MYCBP2: variants seen among roughly 807,000 people sequenced by gnomAD.
MYCBP2 encodes E3 ubiquitin-protein ligase MYCBP2.
A neutral mutation model predicts 525.3 loss-of-function variants in MYCBP2; 120 were observed. The ratio of observed to expected loss-of-function variants is 0.23; its 90% CI spans 0.20 to 0.27. The LOEUF is 0.27. MYCBP2 is among the 10% of genes least tolerant of loss of function. The pLI, the probability that MYCBP2 is intolerant of heterozygous loss-of-function variation, is 1.00. For missense variants in MYCBP2, 4,149 were observed against 5,657.1 expected, an observed-to-expected ratio of 0.73 and a Z score of 8.55; for synonymous variants, 1,894 against 1,955.8, an observed-to-expected ratio of 0.97 and a Z score of 0.83.
chr13:77,304,950 G>A (rs1190879061), intron 1 of MYCBP2, among the ~76,000 whole-genome samples: 2 of 150,978 alleles, frequency 1.3e-5, no homozygotes, highest in Non-Finnish European at 3.0e-5. Flanking sequence ...CATTAAACAA[G>A]GGAAAAAAAA....
chr13:77,058,450 C>T lies in MYCBP2; in HGVS notation c.13141-44G>A, dbSNP rs760435335. 4 of 1,462,342 alleles carry T rather than the reference C, an allele frequency of 2.7e-6. No individual in the cohort carries two copies. Among genetic ancestry groups the T allele is most frequent in the Non-Finnish European group, 2.7e-6 (3 of 1,094,234 alleles). 90.6% of individuals were successfully genotyped at this position (1,462,342 alleles called of 1,614,324 possible). ...AATGTTACACAAGTATGTAAAAAAGCACACATTCTGGTAATTTTCCTTATT... is the reference window on the plus strand; with the variant it reads ...AATGTTACACAAGTATGTAAAAAAGTACACATTCTGGTAATTTTCCTTATT... On this transcript the variant is annotated intron_variant, in intron 77 of 82. Transcript: ENST00000544440. This position sits in a 1 kb window ranked among gnomAD's most constrained non-coding sequence, Gnocchi z 4.1.
At chr13:77,123,951 G>A (rs1421379464) in intron 54 of MYCBP2, among the ~76,000 whole-genome samples, 1 of 152,108 alleles carries the variant, frequency 6.6e-6, no homozygotes, top group Non-Finnish European at 1.5e-5. Context: ...TTTAGTAAAT[G>A]TCTGATTTAC....
In MYCBP2 at chr13:77,081,751, C is replaced by T. The variant is rs1285414282; in HGVS notation, c.11193+86G>A. ...GATAAAACATAATGGAAGACAGGAT[C>T]AAATTGATTATGAATAACTTACAGT... is the stretch of plus-strand genomic sequence containing the variant. On this transcript the variant is annotated intron_variant, in intron 64 of 82. Coordinates refer to ENST00000544440, the MANE Select transcript of MYCBP2 (RefSeq NM_015057.5). The surrounding 1 kb of genome is among the most constrained non-coding windows in gnomAD (Gnocchi z 4.6). The T allele has an allele frequency of 2.0e-6, 3 of 1,535,014 alleles. No homozygotes were observed. The highest frequency in any genetic ancestry group is 2.8e-5 in the African/African-American group (2 of 72,392).
intron 61 of MYCBP2, 66 bp downstream of exon 61, chr13:77,088,766 G>T: frequency 1.4e-6 from 2 of 1,394,154 alleles, no homozygotes; most frequent in East Asian, 2.3e-5. Context: ...AAGTGGCATC[G>T]TGAAATAGAA....
At chr13:77,311,565 GT>G (rs747995110) in intron 1 of MYCBP2, among the ~76,000 whole-genome samples, 5,669 of 121,806 alleles carry the variant, frequency 0.047, 185 homozygotes, top group East Asian at 0.19. Flanking sequence ...GTTTTTTTTT[GT>G]TTTTTTTTTT....
chr13:77,131,252 C>A (rs1191186196), intron 52 of MYCBP2, among the ~76,000 whole-genome samples: 1 of 152,080 alleles, frequency 6.6e-6, no homozygotes, highest in Non-Finnish European at 1.5e-5. Context: ...GTGAGTAGTG[C>A]ATGCCTATAC....
intron 69 of MYCBP2, among the ~76,000 whole-genome samples, chr13:77,069,589 T>A (rs1477428827): frequency 2.2e-5 from 2 of 92,898 alleles, no homozygotes; most frequent in African/African-American, 4.3e-5. Flanking sequence ...AATACAAAAA[T>A]ATTATGCCTG....
At chr13:77,208,675 T>C (rs2063633014) in intron 23 of MYCBP2, among the ~76,000 whole-genome samples, 1 of 152,212 alleles carries the variant, frequency 6.6e-6, no homozygotes, top group Non-Finnish European at 1.5e-5. Context: ...TGTCAGATGA[T>C]ATAAATCAAA....
At chr13:77,245,855 C>T (rs2069825593) in intron 15 of MYCBP2, among the ~76,000 whole-genome samples, 1 of 150,954 alleles carries the variant, frequency 6.6e-6, no homozygotes, top group Non-Finnish European at 1.5e-5. Flanking sequence ...TATGTATACA[C>T]ACACACACAC....
At chr13:77,287,082 T>A (rs1475532079) in intron 3 of MYCBP2, among the ~76,000 whole-genome samples, 1 of 149,844 alleles carries the variant, frequency 6.7e-6, no homozygotes, top group Non-Finnish European at 1.5e-5. Flanking sequence ...ACAGACGGGG[T>A]TTCACCGTGT....
chr13:77,251,091 A>G, intron 15 of MYCBP2, 60 bp downstream of exon 15: 1 of 1,523,464 alleles, frequency 6.6e-7, no homozygotes, highest in South Asian at 1.2e-5. Context: ...ATACTCCGGA[A>G]TGATTTTGCA....
intron 26 of MYCBP2, 63 bp from the exon 27 acceptor site, chr13:77,194,307 G>T: frequency 8.0e-7 from 1 of 1,253,298 alleles, no homozygotes; most frequent in Non-Finnish European, 1.2e-6. Flanking sequence ...TGAACAATGT[G>T]TTCATAATTT....
intron 55 of MYCBP2, chr13:77,118,402 G>C (rs753378191): frequency 2.6e-6 from 2 of 764,488 alleles, no homozygotes; most frequent in East Asian, 4.9e-5. Flanking sequence ...GTGTACTAGG[G>C]AAGAGGGAGG....
intron 17 of MYCBP2, among the ~76,000 whole-genome samples, chr13:77,237,954 T>C (rs1456406236): frequency 6.6e-6 from 1 of 151,972 alleles, no homozygotes; most frequent in African/African-American, 2.4e-5. Flanking sequence ...TAAAAAGTAA[T>C]AGCAACATGC....
Position 77,176,607 on chromosome 13 carries a change from T to C in MYCBP2, c.5362A>G (p.Thr1788Ala), listed in dbSNP as rs898927003. Reference protein sequence around the residue: ...VDDSEHAGDSTHSHRWTSLEL... With the variant: ...VDDSEHAGDSAHSHRWTSLEL... ...AGAGATGTCCATCTGTGGGAATGAG[T>C]TGAATCTCCTGCATGTTCACTCTAA... The change falls in exon 36 of 83, where the codon ACT (threonine) becomes GCT (alanine). Residue 1788 changes from threonine (T) to alanine (A), a missense_variant. Around this residue, in one of 21 missense-constraint regions of MYCBP2, gnomAD observed 109 missense variants for 118.9 expected, o/e 0.92. Coordinates refer to ENST00000544440, the MANE Select transcript of MYCBP2 (RefSeq NM_015057.5). The C allele has an allele frequency of 3.8e-6, 6 of 1,576,170 alleles. No individual in the cohort carries two copies. Among genetic ancestry groups the C allele is most frequent in the African/African-American group, 1.3e-5 (1 of 74,410 alleles).
At chr13:77,136,961 T>C (rs543149240) in intron 52 of MYCBP2, among the ~76,000 whole-genome samples, 1 of 152,300 alleles carries the variant, frequency 6.6e-6, no homozygotes, top group African/African-American at 2.4e-5. Context: ...TTTTAACTTA[T>C]AAAACTCTCA....
At chr13:77,312,090 G>C (rs1158009142) in intron 1 of MYCBP2, among the ~76,000 whole-genome samples, 1 of 152,036 alleles carries the variant, frequency 6.6e-6, no homozygotes, top group African/African-American at 2.4e-5. Context: ...CAGCTAAATG[G>C]CATCATTGAG....
chr13:77,263,365 C>T (rs1594452221), intron 10 of MYCBP2, among the ~76,000 whole-genome samples: 1 of 151,958 alleles, frequency 6.6e-6, no homozygotes, highest in East Asian at 1.9e-4. Context: ...CAATATCCAT[C>T]CATAATTCTC....
At chr13:77,269,268 C>G (rs1166918969) in intron 7 of MYCBP2, among the ~76,000 whole-genome samples, 1 of 152,186 alleles carries the variant, frequency 6.6e-6, no homozygotes, top group African/African-American at 2.4e-5. Flanking sequence ...AGTACTGAAT[C>G]TAGACTAAAA....
Sources: allele counts gnomAD v4.1 joint callset (sites outside exome capture counted in the v4.1 genomes callset), GRCh38; gene constraint gnomAD v4.1.1; regional missense constraint gnomAD v4.1.1; non-coding constraint Gnocchi (gnomAD v3.1); transcripts MANE v1.5; gene names NCBI Gene and HGNC (gene_info 2026-07-23, HGNC 2026-07-21).